Variants in TTC6 observed in about 807,000 individuals in gnomAD.
The protein encoded by TTC6 is tetratricopeptide repeat protein 6.
In TTC6, 172 loss-of-function variants were observed where a neutral mutation model predicts 210.4. The observed-to-expected ratio is 0.82, with a 90% CI of 0.72 to 0.93. TTC6 has a LOEUF of 0.93. Ranked by LOEUF, TTC6 falls within the 40% of genes least tolerant of loss-of-function variation. TTC6 has a pLI of 0.00. For missense variants in TTC6, 2,414 were observed against 2,318.1 expected (o/e 1.04, Z -0.85); for synonymous variants, 804 against 819.6 (o/e 0.98, Z 0.32).
chr14:37,831,800 T>C lies in TTC6; in HGVS notation c.5298+4434T>C, dbSNP rs529669632. 3.3e-5 allele frequency among the ~76,000 whole-genome samples: 5 copies of C among 152,216 alleles called. No homozygotes were observed. The South Asian group carries it at 1.0e-3, about 32-fold the overall frequency. Reference sequence around the variant, plus strand: ...GGGAATGAGATCTTTTTTGTTGCTGTTGTTTGAGTTCTTTATATATTCTGG... The same window carrying C: ...GGGAATGAGATCTTTTTTGTTGCTGCTGTTTGAGTTCTTTATATATTCTGG... On this transcript the variant is annotated intron_variant, in intron 29 of 30. Coordinates refer to ENST00000553443, the Ensembl canonical transcript of TTC6.
chr14:37,745,767 C>T (rs191305252), intron 10 of TTC6, among the ~76,000 whole-genome samples: 2 of 152,190 alleles, frequency 1.3e-5, no homozygotes, highest in East Asian at 3.9e-4. Flanking sequence ...TTGAGTATTC[C>T]CCTTTCTCAT....
intron 29 of TTC6, among the ~76,000 whole-genome samples, chr14:37,834,016 T>G (rs2096192107): frequency 1.3e-5 from 2 of 152,230 alleles, no homozygotes; most frequent in South Asian, 4.1e-4. Context: ...ATATATCATC[T>G]AATTCTCTCC....
chr14:37,832,201 A>AT (rs965539923), intron 29 of TTC6, among the ~76,000 whole-genome samples: 16 of 151,636 alleles, frequency 1.1e-4, no homozygotes, highest in Admixed American at 1.1e-3. Flanking sequence ...CTTTTCTCTC[A>AT]TTTTTTAGTT....
At chr14:37,788,834 A>T (rs1405715961) in intron 15 of TTC6, among the ~76,000 whole-genome samples, 1 of 152,030 alleles carries the variant, frequency 6.6e-6, no homozygotes, top group Non-Finnish European at 1.5e-5. Flanking sequence ...TGAAGATCAA[A>T]CCACCCCCAT....
chr14:37,805,886 G>C (rs2096117502), intron 21 of TTC6, among the ~76,000 whole-genome samples: 1 of 152,100 alleles, frequency 6.6e-6, no homozygotes, highest in African/African-American at 2.4e-5. Context: ...GTTTTTAGTA[G>C]AGATGGAGTT....
chr14:37,726,576 T>TC (rs1180775547), intron 7 of TTC6, among the ~76,000 whole-genome samples: 1 of 152,110 alleles, frequency 6.6e-6, no homozygotes, highest in African/African-American at 2.4e-5. Context: ...TATTTTTTTT[T>TC]CCCTTTGTTG....
At chr14:37,611,704 G>A (rs867736149) in intron 2 of TTC6, among the ~76,000 whole-genome samples, 20 of 152,132 alleles carry the variant, frequency 1.3e-4, no homozygotes, top group African/African-American at 4.3e-4. Context: ...GACTTCGGGA[G>A]GTGAAAGGTC....
intron 3 of TTC6, among the ~76,000 whole-genome samples, chr14:37,684,090 A>G (rs1354578374): frequency 1.3e-5 from 2 of 152,064 alleles, no homozygotes; most frequent in Non-Finnish European, 2.9e-5. Flanking sequence ...CAACTCTGAA[A>G]CCTGGGATTT....
At chr14:37,793,141 A>T (rs1258774715) in intron 17 of TTC6, among the ~76,000 whole-genome samples, 1 of 152,132 alleles carries the variant, frequency 6.6e-6, no homozygotes, top group Non-Finnish European at 1.5e-5. Flanking sequence ...AATAGCAGCC[A>T]CAGTGATCTT....
At chr14:37,835,439 C>G (rs987438960) in intron 29 of TTC6, among the ~76,000 whole-genome samples, 1 of 151,950 alleles carries the variant, frequency 6.6e-6, no homozygotes, top group Non-Finnish European at 1.5e-5. Flanking sequence ...TAATTAGGAT[C>G]AAAATCTTTG....
chr14:37,730,021 A>G lies in TTC6; in HGVS notation c.1818+5019A>G, dbSNP rs115399346. On this transcript the variant is annotated intron_variant, in intron 7 of 30. Coordinates refer to ENST00000553443, the Ensembl canonical transcript of TTC6. The stretch of plus-strand genomic sequence containing the variant: ...CAGTACTGGTGGTTGTCCACTCCCA[A>G]TGACCAGGAGAGAAAGGATCCAACA... Among the ~76,000 whole-genome samples, 438 of 152,244 alleles carry G rather than the reference A, an allele frequency of 2.9e-3. 1 individual carries two copies. The highest frequency in any genetic ancestry group is 1.0e-2 in the African/African-American group (414 of 41,550).
chr14:37,669,374 G>A (rs538243535), intron 1 of TTC6, among the ~76,000 whole-genome samples: 1 of 152,296 alleles, frequency 6.6e-6, no homozygotes, highest in Non-Finnish European at 1.5e-5. Context: ...CCCAGGGGAA[G>A]AGAAAGGATC....
rs1015321118 is a variant in TTC6, at chr14:37,681,054, T to C, written c.1050+793T>C. 2.0e-5 allele frequency among the ~76,000 whole-genome samples: 3 copies of C among 152,174 alleles called. No homozygotes were observed. The East Asian group carries it at 5.8e-4, about 29-fold the overall frequency. On this transcript the variant is annotated intron_variant, in intron 2 of 30. Coordinates refer to ENST00000553443, the Ensembl canonical transcript of TTC6. ...TGGAGTTTGAGATGCTTTGGGCCCA[T>C]ATATTTTTCTCCTTTCTATTCTTAT...
At chr14:37,798,388 G>T (rs2096097641) in intron 20 of TTC6, among the ~76,000 whole-genome samples, 2 of 67,974 alleles carry the variant, frequency 2.9e-5, no homozygotes, top group Admixed American at 1.7e-4. Flanking sequence ...TATTATAAAG[G>T]GTATCTTTAA....
intron 14 of TTC6, among the ~76,000 whole-genome samples, chr14:37,784,103 T>G (rs1210628106): frequency 6.6e-6 from 1 of 152,224 alleles, no homozygotes. Flanking sequence ...AGAATGTATA[T>G]TCTGTTGATT....
chr14:37,724,920 C>T (rs1457534250), exon 7 of TTC6: 19 of 1,524,464 alleles, frequency 1.2e-5, no homozygotes, highest in East Asian at 2.5e-5. Context: ...CCAGAATTCA[C>T]GAAGTTGTTT....
At chr14:37,776,936 G>A (rs1457884582) in intron 14 of TTC6, among the ~76,000 whole-genome samples, 1 of 152,178 alleles carries the variant, frequency 6.6e-6, no homozygotes, top group East Asian at 1.9e-4. Flanking sequence ...AATCTCTTCT[G>A]GCTTCTAGGG....
chr14:37,599,861 G>A (rs1448145288), intron 1 of TTC6, among the ~76,000 whole-genome samples: 1 of 152,158 alleles, frequency 6.6e-6, no homozygotes, highest in East Asian at 1.9e-4. Context: ...CCAGACCTGG[G>A]TCCCCGCGGC....
chr14:37,662,405 A>G (rs2095739285), intron 1 of TTC6, among the ~76,000 whole-genome samples: 1 of 152,146 alleles, frequency 6.6e-6, no homozygotes, highest in South Asian at 2.1e-4. Flanking sequence ...GTCTATTGAG[A>G]TAATCACATG....
Sources: allele counts gnomAD v4.1 joint callset (sites outside exome capture counted in the v4.1 genomes callset), GRCh38; gene constraint gnomAD v4.1.1; transcripts MANE v1.5; gene names NCBI Gene and HGNC (gene_info 2026-07-23, HGNC 2026-07-21).